NOX4: variants seen among roughly 807,000 people sequenced by gnomAD.
NOX4 encodes the protein kidney oxidase-1.
Under a neutral mutation model 87.6 loss-of-function variants are expected in NOX4, and 69 were observed. The observed-to-expected ratio is 0.79, with a 90% CI of 0.65 to 0.96. The LOEUF is 0.96. NOX4 is among the 40% of genes least tolerant of loss of function. The pLI is 0.00. For missense variants in NOX4, 680 were observed against 681.5 expected, an observed-to-expected ratio of 1.00 and a Z score of 0.02; for synonymous variants, 275 against 238.2, an observed-to-expected ratio of 1.15 and a Z score of -1.42.
chr11:89,437,807 G>A (rs1162513455), intron 6 of NOX4, among the ~76,000 whole-genome samples: 1 of 151,946 alleles, frequency 6.6e-6, no homozygotes, highest in South Asian at 2.1e-4. Flanking sequence ...CATGCGATTG[G>A]TTCCAGGACC....
intron 4 of NOX4, among the ~76,000 whole-genome samples, chr11:89,448,694 C>G (rs1472490672): frequency 6.6e-6 from 1 of 151,952 alleles, no homozygotes; most frequent in East Asian, 1.9e-4. Flanking sequence ...TCAGCCTGGG[C>G]AACATGGTGA....
chr11:89,437,795 T>C (rs751684727), intron 6 of NOX4, among the ~76,000 whole-genome samples: 4 of 152,050 alleles, frequency 2.6e-5, no homozygotes, highest in Non-Finnish European at 5.9e-5. Flanking sequence ...TCCTTCAATA[T>C]CCATGCGATT....
intron 7 of NOX4, among the ~76,000 whole-genome samples, chr11:89,431,232 G>C (rs1943763885): frequency 6.6e-6 from 1 of 152,096 alleles, no homozygotes; most frequent in African/African-American, 2.4e-5. Flanking sequence ...TTAAATGTTA[G>C]ACCTAAAACC....
upstream of NOX4, chr11:89,491,602 G>C: frequency 3.6e-6 from 1 of 280,344 alleles, no homozygotes; most frequent in South Asian, 8.3e-5. Context: ...TGTTCAGGAT[G>C]TCCCGGGTGG....
chr11:89,543,509 C>T, the NOX4 span, among the ~76,000 whole-genome samples: 1 of 151,962 alleles, frequency 6.6e-6, no homozygotes, highest in Non-Finnish European at 1.5e-5. Flanking sequence ...GTATTCTCTA[C>T]CCTCAAAACA....
At chr11:89,506,317 GAA>G in the NOX4 span, among the ~76,000 whole-genome samples, 568 of 147,746 alleles carry the variant, frequency 3.8e-3, 3 homozygotes, top group African/African-American at 0.014. Flanking sequence ...GAGAAAGAAA[GAA>G]AGAGAAAAAA....
At chr11:89,366,527 T>C (rs1312793119) in intron 12 of NOX4, among the ~76,000 whole-genome samples, 1 of 151,688 alleles carries the variant, frequency 6.6e-6, no homozygotes, top group Non-Finnish European at 1.5e-5. Flanking sequence ...AATATAAAAA[T>C]TAGCCAGGCA....
intron 2 of NOX4, among the ~76,000 whole-genome samples, chr11:89,463,152 A>C (rs1291386163): frequency 6.6e-6 from 1 of 151,960 alleles, no homozygotes; most frequent in Non-Finnish European, 1.5e-5. Context: ...ATAATTATGT[A>C]TGTAAATCGT....
intron 12 of NOX4, among the ~76,000 whole-genome samples, chr11:89,373,149 A>C (rs1362170729): frequency 6.6e-6 from 1 of 151,668 alleles, no homozygotes; most frequent in African/African-American, 2.4e-5. Context: ...ACACCTGACA[A>C]GTAGGTAGAA....
the NOX4 span, among the ~76,000 whole-genome samples, chr11:89,530,777 C>A: frequency 6.6e-6 from 1 of 151,916 alleles, no homozygotes; most frequent in East Asian, 1.9e-4. Context: ...ACAAGCTGAG[C>A]TAATTGGAGT....
At chr11:89,373,571 G>A (rs1939618385) in intron 11 of NOX4, 79 bp from the exon 12 acceptor site, 1 of 896,260 alleles carries the variant, frequency 1.1e-6, no homozygotes, top group Admixed American at 1.8e-5. Flanking sequence ...CTTTTATCCT[G>A]ATAGCAAGTC....
chr11:89,453,153 G>A (rs563617), intron 2 of NOX4, among the ~76,000 whole-genome samples: 5,801 of 152,144 alleles, frequency 0.038, 387 homozygotes, highest in African/African-American at 0.13. Flanking sequence ...CCTATTTCCA[G>A]GCCTATTACT....
the NOX4 span, among the ~76,000 whole-genome samples, chr11:89,524,866 C>T: frequency 3.9e-5 from 6 of 151,918 alleles, no homozygotes; most frequent in Non-Finnish European, 8.8e-5. Flanking sequence ...TTAATTGTTC[C>T]CACCCTGGTC....
intron 11 of NOX4, among the ~76,000 whole-genome samples, chr11:89,389,074 A>C (rs937821192): frequency 6.6e-6 from 1 of 152,168 alleles, no homozygotes; most frequent in African/African-American, 2.4e-5. Context: ...AAAATCCATG[A>C]TCTGATACTA....
chr11:89,481,434 G>T (rs1242988753), intron 2 of NOX4, among the ~76,000 whole-genome samples: 1 of 151,840 alleles, frequency 6.6e-6, no homozygotes, highest in East Asian at 1.9e-4. Context: ...TTCTCATGTT[G>T]TCCTTCCATC....
At chr11:89,403,583 A>T (rs1346772112) in intron 8 of NOX4, among the ~76,000 whole-genome samples, 1 of 151,998 alleles carries the variant, frequency 6.6e-6, no homozygotes, top group Non-Finnish European at 1.5e-5. Context: ...CTACTAAAAA[A>T]CATACAAAAT....
intron 14 of NOX4, 100 bp downstream of exon 14, chr11:89,341,974 A>C: frequency 9.4e-7 from 1 of 1,059,022 alleles, no homozygotes; most frequent in South Asian, 1.6e-5. Flanking sequence ...ATCAACAAGT[A>C]GAATAATTCA....
At chr11:89,328,587 A>C (rs2135357629) in intron 17 of NOX4, among the ~76,000 whole-genome samples, 1 of 152,266 alleles carries the variant, frequency 6.6e-6, no homozygotes, top group African/African-American at 2.4e-5. Context: ...TTAAACTTTA[A>C]AATGTACAGA....
chr11:89,522,625 A>T, the NOX4 span, among the ~76,000 whole-genome samples: 1 of 152,192 alleles, frequency 6.6e-6, no homozygotes, highest in Non-Finnish European at 1.5e-5. Flanking sequence ...CTGCACATAT[A>T]TCCCCTGAAT....
Sources: allele counts gnomAD v4.1 joint callset (sites outside exome capture counted in the v4.1 genomes callset), GRCh38; gene constraint gnomAD v4.1.1; transcripts MANE v1.5; gene names NCBI Gene and HGNC (gene_info 2026-07-23, HGNC 2026-07-21).